STEAP1B: variants seen among roughly 807,000 people sequenced by gnomAD.
The protein encoded by STEAP1B is STEAP family protein MGC87042.
STEAP1B carries 13 observed loss-of-function variants against 27.9 expected under a neutral mutation model. The ratio of observed to expected loss-of-function variants is 0.47; its 90% CI spans 0.30 to 0.74. STEAP1B has a LOEUF of 0.74. STEAP1B is among the 30% of genes least tolerant of loss of function. The pLI is 0.06. For synonymous variants in STEAP1B, 86 were observed against 107.1 expected (o/e 0.80, Z 1.22); for missense variants, 250 against 298.7 (o/e 0.84, Z 1.20).
chr7:22,420,264 G>T (rs962877606), intron 4 of STEAP1B, among the ~76,000 whole-genome samples: 5 of 152,218 alleles, frequency 3.3e-5, no homozygotes, highest in Non-Finnish European at 7.3e-5. Flanking sequence ...AAGAAAGTGT[G>T]TAAAAGTGGC....
chr7:22,492,527 A>C, intron 4 of STEAP1B, 38 bp downstream of exon 4: 1 of 1,530,652 alleles, frequency 6.5e-7, no homozygotes, highest in South Asian at 1.3e-5. Context: ...ACACAAAAAG[A>C]AGATTTACCT....
chr7:22,497,237 G>C (rs966849812), intron 1 of STEAP1B, among the ~76,000 whole-genome samples: 2 of 152,224 alleles, frequency 1.3e-5, no homozygotes, highest in African/African-American at 2.4e-5. Flanking sequence ...AAGTGGAAGA[G>C]AGAGATGAGA....
intron 4 of STEAP1B, among the ~76,000 whole-genome samples, chr7:22,420,441 C>T (rs1426266466): frequency 6.6e-6 from 1 of 152,178 alleles, no homozygotes; most frequent in Non-Finnish European, 1.5e-5. Context: ...CCTGTAAGAA[C>T]CAATCATATG....
intron 4 of STEAP1B, among the ~76,000 whole-genome samples, chr7:22,456,972 A>ATATTTT: frequency 1.8e-5 from 1 of 57,046 alleles, no homozygotes; most frequent in African/African-American, 7.0e-5. Flanking sequence ...ATATATATAT[A>ATATTTT]TTTTTTTTTT....
At chr7:22,495,078 T>A (rs1786416252) in intron 1 of STEAP1B, among the ~76,000 whole-genome samples, 192 bp from the exon 2 acceptor site, 1 of 152,228 alleles carries the variant, frequency 6.6e-6, no homozygotes, top group Non-Finnish European at 1.5e-5. Context: ...TGCCCTCTTA[T>A]CAACAGTAAC....
chr7:22,448,583 G>A, intron 4 of STEAP1B, among the ~76,000 whole-genome samples: 1 of 151,902 alleles, frequency 6.6e-6, no homozygotes, highest in Admixed American at 6.6e-5. Context: ...TTCTGGATTG[G>A]CTTATCATTA....
chr7:22,484,480 T>G (rs1786165125), intron 4 of STEAP1B, among the ~76,000 whole-genome samples: 1 of 152,224 alleles, frequency 6.6e-6, no homozygotes, highest in South Asian at 2.1e-4. Flanking sequence ...CTGCTCATAA[T>G]AAAGATGTCT....
intron 4 of STEAP1B, among the ~76,000 whole-genome samples, chr7:22,433,501 A>C (rs890875550): frequency 9.0e-5 from 13 of 144,054 alleles, no homozygotes; most frequent in African/African-American, 3.4e-4. Flanking sequence ...TTGTAACCCC[A>C]GGGAGAGAGG....
intron 4 of STEAP1B, among the ~76,000 whole-genome samples, chr7:22,437,484 C>G (rs1025368950): frequency 6.6e-6 from 1 of 152,178 alleles, no homozygotes; most frequent in Non-Finnish European, 1.5e-5. Flanking sequence ...TATACATTTT[C>G]GTTATCCATT....
intron 4 of STEAP1B, among the ~76,000 whole-genome samples, chr7:22,434,327 C>G (rs1400938365): frequency 6.6e-6 from 1 of 152,192 alleles, no homozygotes; most frequent in African/African-American, 2.4e-5. Context: ...GCCAACTCCA[C>G]AAGAAAGGCA....
chr7:22,449,099 T>C (rs1250792942), intron 4 of STEAP1B, among the ~76,000 whole-genome samples: 1 of 143,402 alleles, frequency 7.0e-6, no homozygotes, highest in Non-Finnish European at 1.5e-5. Flanking sequence ...TAATGGAGAA[T>C]GGGGTACCCA....
chr7:22,483,582 T>C (rs1299734082), intron 4 of STEAP1B, among the ~76,000 whole-genome samples: 1 of 152,262 alleles, frequency 6.6e-6, no homozygotes, highest in Non-Finnish European at 1.5e-5. Context: ...ACTTCATGTC[T>C]TGTCGCATTT....
At chr7:22,446,178 C>T (rs1014920547) in intron 4 of STEAP1B, among the ~76,000 whole-genome samples, 3 of 152,222 alleles carry the variant, frequency 2.0e-5, no homozygotes, top group African/African-American at 7.2e-5. Context: ...TGACAGTTCT[C>T]ATGCTTCTGC....
intron 4 of STEAP1B, among the ~76,000 whole-genome samples, chr7:22,458,229 G>T (rs1177503806): frequency 6.6e-6 from 1 of 152,198 alleles, no homozygotes; most frequent in Non-Finnish European, 1.5e-5. Context: ...GTGATGCCAT[G>T]GAGGTGAATA....
At chr7:22,437,485 G>A (rs1785269877) in intron 4 of STEAP1B, among the ~76,000 whole-genome samples, 1 of 152,056 alleles carries the variant, frequency 6.6e-6, no homozygotes, top group Admixed American at 6.5e-5. Flanking sequence ...ATACATTTTC[G>A]TTATCCATTC....
chr7:22,452,369 C>CT, intron 4 of STEAP1B, among the ~76,000 whole-genome samples: 1 of 152,228 alleles, frequency 6.6e-6, no homozygotes, highest in Admixed American at 6.5e-5. Context: ...TGACCCCTCC[C>CT]TTCCTTTCAG....
chr7:22,483,679 G>T (rs74925933), intron 4 of STEAP1B, among the ~76,000 whole-genome samples: 1 of 152,052 alleles, frequency 6.6e-6, no homozygotes, highest in African/African-American at 2.4e-5. Flanking sequence ...TGTTACTACC[G>T]TAATTGTTTT....
intron 4 of STEAP1B, among the ~76,000 whole-genome samples, chr7:22,490,290 A>G (rs1786298044): frequency 6.6e-6 from 1 of 152,144 alleles, no homozygotes; most frequent in South Asian, 2.1e-4. Flanking sequence ...CAGAATTTTA[A>G]AGCTTTTCTC....
intron 4 of STEAP1B, among the ~76,000 whole-genome samples, chr7:22,474,124 G>T (rs1032578282): frequency 2.0e-5 from 3 of 152,114 alleles, no homozygotes; most frequent in African/African-American, 4.8e-5. Flanking sequence ...TGAAGGGAAA[G>T]AAATAAATAT....
Sources: allele counts gnomAD v4.1 joint callset (sites outside exome capture counted in the v4.1 genomes callset), GRCh38; gene constraint gnomAD v4.1.1; transcripts MANE v1.5; gene names NCBI Gene and HGNC (gene_info 2026-07-23, HGNC 2026-07-21).